Variants in NR3C2 observed in about 807,000 individuals in gnomAD.
NR3C2 encodes the protein mineralocorticoid receptor.
A neutral mutation model predicts 86.4 loss-of-function variants in NR3C2; 15 were observed. The observed-to-expected ratio is 0.17, with a 90% CI of 0.12 to 0.27. The LOEUF (loss-of-function observed/expected upper bound fraction) is 0.27. NR3C2 is among the 10% of genes least tolerant of loss of function. The pLI, the probability that NR3C2 is intolerant of heterozygous loss-of-function variation, is 1.00. For missense variants in NR3C2, 960 were observed against 1,195.6 expected (o/e 0.80, Z 2.91); for synonymous variants, 458 against 450.5 (o/e 1.02, Z -0.21).
intron 4 of NR3C2, among the ~76,000 whole-genome samples, chr4:148,187,934 G>T (rs994488184): frequency 6.6e-6 from 1 of 152,030 alleles, no homozygotes; most frequent in Non-Finnish European, 1.5e-5. Flanking sequence ...ATTCTCCTAC[G>T]TGTGGCCAGG....
At position 148,100,369 on chromosome 4, in the gene NR3C2, C is replaced by G. The variant is rs140963618; in HGVS notation, c.2799+13735G>C. ...GTACAGAATATATAAAGAACTCCTA[C>G]AGCTCAACAACAAAAAAACAAAAAA... On this transcript the variant is annotated intron_variant, in intron 8 of 8. Transcript: ENST00000358102. Among the ~76,000 whole-genome samples, 286 of 152,236 alleles carry G rather than the reference C, an allele frequency of 1.9e-3. 4 individuals are homozygous for G. The highest frequency in any genetic ancestry group is 0.016 in the East Asian group (82 of 5,178).
chr4:148,342,494 G>T (rs1013507801), intron 2 of NR3C2, among the ~76,000 whole-genome samples: 2 of 152,136 alleles, frequency 1.3e-5, no homozygotes, highest in Admixed American at 6.6e-5. Context: ...TAGGTATCAA[G>T]TGGCACAAAG....
intron 1 of NR3C2, among the ~76,000 whole-genome samples, chr4:148,437,721 G>A (rs888204939): frequency 1.3e-5 from 2 of 152,136 alleles, no homozygotes; most frequent in South Asian, 2.1e-4. Flanking sequence ...CTTTTGAGAG[G>A]AGCCCCGAAA....
chr4:148,228,882 T>G (rs1036468696), intron 3 of NR3C2, among the ~76,000 whole-genome samples: 3 of 152,072 alleles, frequency 2.0e-5, no homozygotes, highest in Non-Finnish European at 4.4e-5. Flanking sequence ...ACAGCCAGAC[T>G]GCCGGCAGGA....
At chr4:148,325,071 A>T (rs570604860) in intron 2 of NR3C2, among the ~76,000 whole-genome samples, 3 of 152,284 alleles carry the variant, frequency 2.0e-5, no homozygotes, top group Admixed American at 6.5e-5. Flanking sequence ...GCATCATGAG[A>T]TCTGTTGCTA....
intron 2 of NR3C2, among the ~76,000 whole-genome samples, chr4:148,399,638 A>C (rs1396226971): frequency 3.3e-5 from 5 of 151,964 alleles, no homozygotes; most frequent in East Asian, 1.9e-4. Context: ...CACCTTACAT[A>C]AACAAACACT....
chr4:148,202,938 G>A (rs1298592825), intron 3 of NR3C2, among the ~76,000 whole-genome samples: 1 of 152,094 alleles, frequency 6.6e-6, no homozygotes, highest in African/African-American at 2.4e-5. Context: ...TGGTGTTTTT[G>A]TTTTCCTTCT....
intron 2 of NR3C2, among the ~76,000 whole-genome samples, chr4:148,294,185 G>A (rs977051475): frequency 2.6e-5 from 4 of 152,134 alleles, no homozygotes; most frequent in African/African-American, 7.2e-5. Context: ...AATTAAATAT[G>A]TACTACCTCA....
intron 2 of NR3C2, among the ~76,000 whole-genome samples, chr4:148,407,677 C>T (rs1331322841): frequency 7.3e-5 from 1 of 13,724 alleles, no homozygotes; most frequent in Non-Finnish European, 1.6e-4. Context: ...TCACTCAAAT[C>T]TATCAGAGGC....
chr4:148,134,713 A>G (rs1181038523), intron 6 of NR3C2, among the ~76,000 whole-genome samples: 1 of 140,230 alleles, frequency 7.1e-6, no homozygotes, highest in Non-Finnish European at 1.5e-5. Context: ...CTGTGGCACA[A>G]TCTCGGCTCA....
intron 2 of NR3C2, among the ~76,000 whole-genome samples, chr4:148,336,763 T>C (rs1018573601): frequency 6.6e-6 from 1 of 152,154 alleles, no homozygotes; most frequent in South Asian, 2.1e-4. Context: ...TAAAATGATA[T>C]AAAAACATAA....
intron 3 of NR3C2, among the ~76,000 whole-genome samples, chr4:148,215,780 G>GC (rs71594253): frequency 2.2e-5 from 3 of 134,456 alleles, no homozygotes; most frequent in Non-Finnish European, 4.7e-5. Flanking sequence ...TTGAGGCATA[G>GC]TTTTTTTTTT....
chr4:148,327,708 T>C (rs1744037733), intron 2 of NR3C2, among the ~76,000 whole-genome samples: 1 of 152,120 alleles, frequency 6.6e-6, no homozygotes, highest in Non-Finnish European at 1.5e-5. Context: ...CAAATGCAAA[T>C]TGTTGTTCTT....
chr4:148,308,211 C>CA (rs1347593916), intron 2 of NR3C2, among the ~76,000 whole-genome samples: 1 of 151,904 alleles, frequency 6.6e-6, no homozygotes, highest in Admixed American at 6.6e-5. Flanking sequence ...GCAGCCAGTC[C>CA]TTTTTTTTCT....
intron 2 of NR3C2, among the ~76,000 whole-genome samples, chr4:148,351,291 G>A (rs996535290): frequency 2.6e-5 from 4 of 151,996 alleles, no homozygotes; most frequent in African/African-American, 4.8e-5. Flanking sequence ...GATTACAGGC[G>A]CAAGCTGCCA....
At chr4:148,410,237 T>C (rs1428852541) in intron 2 of NR3C2, among the ~76,000 whole-genome samples, 1 of 152,208 alleles carries the variant, frequency 6.6e-6, no homozygotes, top group Non-Finnish European at 1.5e-5. Flanking sequence ...CTAAACTCAG[T>C]TCATCTCAAA....
At chr4:148,320,675 T>C (rs1346713142) in intron 2 of NR3C2, among the ~76,000 whole-genome samples, 1 of 152,148 alleles carries the variant, frequency 6.6e-6, no homozygotes, top group Non-Finnish European at 1.5e-5. Context: ...GAGGTGTTTG[T>C]AGTATTCTCT....
At chr4:148,394,562 C>T (rs1459764040) in intron 2 of NR3C2, among the ~76,000 whole-genome samples, 1 of 151,010 alleles carries the variant, frequency 6.6e-6, no homozygotes, top group Admixed American at 6.6e-5. Flanking sequence ...TGTGGTGGCA[C>T]ACATCTGTAG....
At chr4:148,083,990 A>T (rs1436779703) in intron 8 of NR3C2, among the ~76,000 whole-genome samples, 2 of 152,208 alleles carry the variant, frequency 1.3e-5, no homozygotes, top group Non-Finnish European at 2.9e-5. Context: ...GTGAAAAAGA[A>T]ACGAACAAAG....
Sources: gnomAD v4.1 joint callset for allele counts (sites outside exome capture counted in the v4.1 genomes callset) on GRCh38, gnomAD v4.1.1 for gene constraint, MANE v1.5 for transcripts, NCBI Gene and HGNC (gene_info 2026-07-23, HGNC 2026-07-21) for gene names.